SLC4A4: variants seen among roughly 807,000 people sequenced by gnomAD.
The protein encoded by SLC4A4 is electrogenic sodium bicarbonate cotransporter 1.
In SLC4A4, 27 loss-of-function variants were observed where a neutral mutation model predicts 111.5. The ratio of observed to expected loss-of-function variants is 0.24; its 90% CI spans 0.18 to 0.33. The LOEUF (loss-of-function observed/expected upper bound fraction) is 0.33, where lower values mean the gene tolerates loss of function less well. Among genes scored for constraint, SLC4A4 ranks in the 10% least tolerant of loss-of-function variants. The pLI, the probability that SLC4A4 is intolerant of heterozygous loss-of-function variation, is 1.00. For synonymous variants in SLC4A4, 443 were observed against 463.4 expected, an observed-to-expected ratio of 0.96 and a Z score of 0.57; for missense variants, 909 against 1,315.5, an observed-to-expected ratio of 0.69 and a Z score of 4.78.
At chr4:71,257,807 C>T (rs953451060) in intron 3 of SLC4A4, among the ~76,000 whole-genome samples, 15 of 152,130 alleles carry the variant, frequency 9.9e-5, no homozygotes, top group African/African-American at 3.4e-4. Flanking sequence ...ACCAAAAAGC[C>T]CACATATAAA....
At chr4:71,151,957 G>A (rs1395062221) in intron 2 of SLC4A4, among the ~76,000 whole-genome samples, 1 of 151,702 alleles carries the variant, frequency 6.6e-6, no homozygotes, top group Non-Finnish European at 1.5e-5. Flanking sequence ...CCCAGGTATT[G>A]GGACTACAGT....
chr4:71,512,310 T>C (rs1732001779), intron 16 of SLC4A4, among the ~76,000 whole-genome samples: 1 of 152,130 alleles, frequency 6.6e-6, no homozygotes, highest in Non-Finnish European at 1.5e-5. Context: ...CAACATCTTA[T>C]TTTTGGTCTT....
intron 2 of SLC4A4, among the ~76,000 whole-genome samples, chr4:71,122,949 G>C (rs1482953625): frequency 6.6e-6 from 1 of 152,082 alleles, no homozygotes; most frequent in Non-Finnish European, 1.5e-5. Flanking sequence ...ATAGCACAGA[G>C]AATCTTAAAA....
At chr4:71,128,731 T>G (rs972631388) in intron 2 of SLC4A4, among the ~76,000 whole-genome samples, 1 of 152,134 alleles carries the variant, frequency 6.6e-6, no homozygotes, top group African/African-American at 2.4e-5. Context: ...TCAAGCAATT[T>G]GACTGACTTG....
chr4:71,453,262 A>G (rs1314583878), intron 11 of SLC4A4, among the ~76,000 whole-genome samples: 3 of 152,208 alleles, frequency 2.0e-5, no homozygotes, highest in African/African-American at 7.2e-5. Flanking sequence ...TCTAAAGACC[A>G]ACTGGCTGAT....
chr4:71,120,651 T>G (rs1251563838), intron 2 of SLC4A4, among the ~76,000 whole-genome samples: 1 of 152,320 alleles, frequency 6.6e-6, no homozygotes, highest in East Asian at 1.9e-4. Context: ...GAGGATCTCC[T>G]GAGGTCAGAA....
At chr4:71,402,180 A>G (rs1403263885) in intron 7 of SLC4A4, among the ~76,000 whole-genome samples, 3 of 152,184 alleles carry the variant, frequency 2.0e-5, no homozygotes, top group Non-Finnish European at 4.4e-5. Flanking sequence ...ACCATTAACC[A>G]TGTATAAGTT....
chr4:71,288,497 C>T (rs1176219801), intron 3 of SLC4A4, among the ~76,000 whole-genome samples: 1 of 151,926 alleles, frequency 6.6e-6, no homozygotes, highest in African/African-American at 2.4e-5. Flanking sequence ...CTCCTGGGTT[C>T]AAACGATTCT....
At chr4:71,548,458 T>C (rs1384829208) in intron 20 of SLC4A4, among the ~76,000 whole-genome samples, 2 of 151,876 alleles carry the variant, frequency 1.3e-5, no homozygotes, top group Non-Finnish European at 2.9e-5. Context: ...AGAAAGTTAG[T>C]GTATACCTCT....
chr4:71,490,881 G>A (rs1417329972), intron 15 of SLC4A4, among the ~76,000 whole-genome samples: 1 of 151,774 alleles, frequency 6.6e-6, no homozygotes, highest in African/African-American at 2.4e-5. Flanking sequence ...GCACACACCT[G>A]TAGGGTTATA....
chr4:71,434,316 A>G (rs1383545773), intron 7 of SLC4A4: 1 of 152,344 alleles, frequency 6.6e-6, no homozygotes, highest in Non-Finnish European at 1.5e-5. Context: ...AAAGTATAAA[A>G]CTAACATAAT....
rs1721369687 is a variant in SLC4A4 at position 71,255,338 on chromosome 4, C to T, written c.192C>T (p.Tyr64=). 1 of 1,613,486 alleles carries T rather than the reference C, an allele frequency of 6.2e-7. No individual in the cohort carries two copies. The highest frequency in any genetic ancestry group is 8.5e-7 in the Non-Finnish European group (1 of 1,179,646). Reference sequence around the variant, plus strand: ...AAAAGGAGAGAATCTCTGAGAACTACTCTGACAAATCAGATATTGAAAATG... The same window carrying T: ...AAAAGGAGAGAATCTCTGAGAACTATTCTGACAAATCAGATATTGAAAATG... The part of the protein sequence containing the change: ...KKEKERISEN[Y]SDKSDIENAD... The change falls in exon 3 of 26, where the codon TAC becomes TAT. Residue 64 remains tyrosine (Y), a synonymous_variant. Coordinates refer to ENST00000264485, the MANE Select transcript of SLC4A4 (RefSeq NM_001098484.3).
intron 2 of SLC4A4, among the ~76,000 whole-genome samples, chr4:71,097,413 C>A (rs942498671): frequency 2.0e-5 from 3 of 152,246 alleles, no homozygotes; most frequent in African/African-American, 7.2e-5. Flanking sequence ...ATTTTCTTTA[C>A]CCATCTGTCA....
intron 3 of SLC4A4, among the ~76,000 whole-genome samples, chr4:71,301,843 C>T (rs569348707): frequency 5.9e-5 from 9 of 152,294 alleles, no homozygotes; most frequent in South Asian, 4.1e-4. Flanking sequence ...TTCCATGTGC[C>T]GCTGCAGGCA....
intron 6 of SLC4A4, among the ~76,000 whole-genome samples, chr4:71,367,842 C>T (rs887835713): frequency 1.6e-4 from 24 of 152,106 alleles, no homozygotes; most frequent in Admixed American, 7.2e-4. Context: ...TATAATGTGC[C>T]GAATGCCCAA....
intron 2 of SLC4A4, among the ~76,000 whole-genome samples, chr4:71,254,286 A>G (rs963729853): frequency 2.0e-5 from 3 of 152,172 alleles, no homozygotes; most frequent in African/African-American, 7.2e-5. Context: ...TTTTCAATTT[A>G]AAAAATGATG....
chr4:71,219,516 T>C (rs1718617740), intron 1 of SLC4A4, among the ~76,000 whole-genome samples: 1 of 152,224 alleles, frequency 6.6e-6, no homozygotes, highest in East Asian at 1.9e-4. Context: ...GGTTTTTATG[T>C]GTGCTAAAAT....
intron 4 of SLC4A4, among the ~76,000 whole-genome samples, chr4:71,342,980 G>A (rs1578877936): frequency 6.6e-6 from 1 of 152,048 alleles, no homozygotes; most frequent in Non-Finnish European, 1.5e-5. Flanking sequence ...TCTTTATAGG[G>A]CTTACCGTAA....
At chr4:71,482,967 G>A (rs981352244) in intron 14 of SLC4A4, among the ~76,000 whole-genome samples, 12 of 151,378 alleles carry the variant, frequency 7.9e-5, no homozygotes, top group African/African-American at 2.9e-4. Flanking sequence ...ATATGAAATG[G>A]GTATAAAAGT....
Sources: allele counts gnomAD v4.1 joint callset (sites outside exome capture counted in the v4.1 genomes callset), GRCh38; gene constraint gnomAD v4.1.1; transcripts MANE v1.5; gene names NCBI Gene and HGNC (gene_info 2026-07-23, HGNC 2026-07-21).